The following KIR2DL4 variants were observed in gnomAD, a reference collection of about 807,000 sequenced individuals.
KIR2DL4 encodes killer cell immunoglobulin like receptor, two Ig domains and long cytoplasmic tail 4.
KIR2DL4 carries 41 observed loss-of-function variants against 31.0 expected under a neutral mutation model. The observed-to-expected ratio is 1.32, with a 90% CI of 1.03 to 1.72. KIR2DL4 has a LOEUF of 1.72. Ranked by LOEUF, KIR2DL4 falls within the 40% of genes most tolerant of loss-of-function variation. The pLI is 0.00. For synonymous variants in KIR2DL4, 164 were observed against 133.6 expected (o/e 1.23, Z -1.57); for missense variants, 438 against 353.7 (o/e 1.24, Z -1.91).
chr19:54,814,030 CT>C (rs2147994703), exon 8 of KIR2DL4: 2 of 1,612,328 alleles, frequency 1.2e-6, no homozygotes, highest in East Asian at 4.5e-5. Context: ...ACAGTCAGGC[CT>C]TGATGGGATC....
rs1208215615 is a variant in KIR2DL4, at chr19:54,805,027, C to G, written c.311C>G (p.Ser104Cys). Residue 104 changes from serine to cysteine, a missense_variant, in exon 3 of 8, where the codon TCC (serine) becomes TGC (cysteine). Ser to Cys is a moderately radical substitution (Grantham distance 112). Transcript: ENST00000359085. Reference sequence around the variant, plus strand: ...AGATGTCGAGGTTTTCACCCGCACTCCCCCACTGAGTGGTCGGCACCCAGC... The same window carrying G: ...AGATGTCGAGGTTTTCACCCGCACTGCCCCACTGAGTGGTCGGCACCCAGC... 5.0e-6 allele frequency: 8 copies of G among 1,610,996 alleles called. No individual in the cohort carries two copies. In the South Asian group the frequency reaches 7.7e-5, roughly 16 times the overall value.
chr19:54,814,106 A>G, exon 8 of KIR2DL4: 1 of 1,610,862 alleles, frequency 6.2e-7, no homozygotes, highest in East Asian at 2.2e-5. Flanking sequence ...AGCAGCTGGA[A>G]TCTGAAGGCG....
chr19:54,808,802 T>C, intron 4 of KIR2DL4, 31 bp from the exon 5 acceptor site: 1 of 1,485,950 alleles, frequency 6.7e-7, no homozygotes, highest in Non-Finnish European at 9.3e-7. Flanking sequence ...GCATCCTCAT[T>C]GCCACACCTC....
intron 4 of KIR2DL4, among the ~76,000 whole-genome samples, chr19:54,807,011 C>A (rs1036017005): frequency 8.2e-6 from 1 of 122,686 alleles, no homozygotes; most frequent in Admixed American, 8.1e-5. Context: ...GAGACTCTGT[C>A]TCTAAATAAA....
At chr19:54,813,660 A>T (rs1169516088) in intron 6 of KIR2DL4, 30 bp from the exon 6 acceptor site, 1 of 1,608,592 alleles carries the variant, frequency 6.2e-7, no homozygotes, top group East Asian at 2.2e-5. Flanking sequence ...GTGCCCTCCC[A>T]GCTGTTTTGA....
At chr19:54,811,077 G>T (rs2060839417) in intron 5 of KIR2DL4, among the ~76,000 whole-genome samples, 1 of 151,330 alleles carries the variant, frequency 6.6e-6, no homozygotes, top group Non-Finnish European at 1.5e-5. Context: ...TACATGAGGG[G>T]TGGTGCAAAG....
intron 4 of KIR2DL4, among the ~76,000 whole-genome samples, chr19:54,808,378 A>T (rs1267576357): frequency 2.6e-5 from 4 of 151,414 alleles, no homozygotes; most frequent in Admixed American, 6.6e-5. Context: ...ATTTTTGTGT[A>T]TGGTGAGAGG....
chr19:54,804,751 T>C lies in KIR2DL4; in HGVS notation c.77-42T>C. 3 of 1,589,908 alleles carry C rather than the reference T, an allele frequency of 1.9e-6. 1 individual carries two copies. In the African/African-American group the frequency reaches 4.1e-5, roughly 22 times the overall value. On this transcript the variant is annotated intron_variant, in intron 2 of 7. Transcript: ENST00000359085. Reference sequence around the variant, plus strand: ...CTGAGCACAGGGAGGGAGGGGCAGCTCAACATACTCCTCTCTGAGGCGGCA... The same window carrying C: ...CTGAGCACAGGGAGGGAGGGGCAGCCCAACATACTCCTCTCTGAGGCGGCA...
rs867808456 is a variant in KIR2DL4 at position 54,803,660 on chromosome 19, G to A, written c.9G>A (p.Met3Ile). 1.9e-6 allele frequency: 3 copies of A among 1,612,300 alleles called. 1 individual carries two copies. In the South Asian group the frequency reaches 3.3e-5, roughly 18 times the overall value. ...GCAGCAGAAGCTGCACCATGTCCAT[G>A]TCACCCACGGTCATCATCCTGGCAT... is the stretch of plus-strand genomic sequence containing the variant. The change falls in exon 1 of 8, where the codon ATG becomes ATA. Residue 3 changes from methionine (M) to isoleucine (I), a missense_variant. Met to Ile is a conservative substitution (Grantham distance 10, BLOSUM62 1). Transcript: ENST00000359085.
chr19:54,806,270 T>A (rs1248269518), intron 4 of KIR2DL4, 26 bp downstream of exon 4: 1 of 1,601,334 alleles, frequency 6.2e-7, no homozygotes, highest in South Asian at 1.1e-5. Context: ...GTCTGTCCCA[T>A]GTCCTATGGT....
exon 3 of KIR2DL4, chr19:54,804,830 C>G: frequency 6.2e-7 from 1 of 1,612,266 alleles, no homozygotes; most frequent in African/African-American, 1.3e-5. Context: ...CCTGGCCCAG[C>G]GCTGTGGTGC....
intron 4 of KIR2DL4, among the ~76,000 whole-genome samples, chr19:54,807,191 A>C (rs1477999446): frequency 6.6e-6 from 1 of 150,824 alleles, no homozygotes; most frequent in Non-Finnish European, 1.5e-5. Context: ...TGTGGCTGCA[A>C]ATGACAGGAC....
At chr19:54,806,278 G>A in intron 4 of KIR2DL4, 34 bp downstream of exon 4, 1 of 1,595,822 alleles carries the variant, frequency 6.3e-7, no homozygotes. Context: ...CATGTCCTAT[G>A]GTCCTAGAGC....
rs1022166749 is a variant in KIR2DL4, at chr19:54,806,320, G to A, written c.655+76G>A. The A allele has an allele frequency of 8.8e-5, 125 of 1,427,378 alleles. 2 individuals are homozygous for A. The African/African-American group carries it at 1.4e-3, about 16-fold the overall frequency. 88.4% of individuals were successfully genotyped at this position (1,427,378 alleles called of 1,614,324 possible). Reference sequence around the variant, plus strand: ...TGAGGAGCTTCCTGCTGATGATGGAGAGAAGCATGGACAGATGTGGAGAGA... The same window carrying A: ...TGAGGAGCTTCCTGCTGATGATGGAAAGAAGCATGGACAGATGTGGAGAGA... On this transcript the variant is annotated intron_variant, in intron 4 of 7. Transcript: ENST00000359085.
At chr19:54,813,904 A>T (rs762253911) in exon 8 of KIR2DL4, 1 of 1,612,310 alleles carries the variant, frequency 6.2e-7, no homozygotes, top group African/African-American at 1.3e-5. Flanking sequence ...GCATTTTCAC[A>T]CAGAGAAAAA....
In KIR2DL4 at chr19:54,803,876, G is replaced by A. The variant is rs367868728; in HGVS notation, c.41-15G>A. 6.2e-7 allele frequency: 1 copy of A among 1,608,892 alleles called. No homozygotes were observed. The highest frequency in any genetic ancestry group is 8.5e-7 in the Non-Finnish European group (1 of 1,177,752). ...GCTGCCGAGATGAATAGTTCATCAT[G>A]ATCTTTCTTTGCAGGGTTCTTCTTG... is the stretch of plus-strand genomic sequence containing the variant. On this transcript the variant is annotated splice_polypyrimidine_tract_variant and intron_variant, in intron 1 of 7. Coordinates refer to ENST00000359085, the Ensembl canonical transcript of KIR2DL4.
At chr19:54,808,496 G>A (rs1293428271) in intron 4 of KIR2DL4, among the ~76,000 whole-genome samples, 1 of 150,418 alleles carries the variant, frequency 6.6e-6, no homozygotes, top group Non-Finnish European at 1.5e-5. Flanking sequence ...CTTTGTCAAA[G>A]TCCATTGGAT....
In KIR2DL4 at chr19:54,813,124, G is replaced by T; in HGVS notation, c.707-1G>T. The T allele has an allele frequency of 6.9e-7, 1 of 1,459,486 alleles. No individual in the cohort carries two copies. 90.4% of individuals were successfully genotyped at this position (1,459,486 alleles called of 1,614,324 possible). A position where few individuals can be genotyped will look rare whatever the true frequency, so the allele number is the denominator to read the frequency against. On this transcript the variant is annotated splice_acceptor_variant, in intron 5 of 7. Coordinates refer to ENST00000359085, the Ensembl canonical transcript of KIR2DL4. LOFTEE classifies it high-confidence loss of function. Reference sequence around the variant, plus strand: ...CTTATTGGATTCCCATCTTCCTCCAGGTATCGCCAGACACCTGCATGCTGT... The same window carrying T: ...CTTATTGGATTCCCATCTTCCTCCATGTATCGCCAGACACCTGCATGCTGT...
At chr19:54,808,525 T>TC (rs1391281079) in intron 4 of KIR2DL4, among the ~76,000 whole-genome samples, 1 of 150,004 alleles carries the variant, frequency 6.7e-6, no homozygotes, top group Non-Finnish European at 1.5e-5. Flanking sequence ...GTGGATTACA[T>TC]CCGTGTTCTT....
Sources: allele counts gnomAD v4.1 joint callset (sites outside exome capture counted in the v4.1 genomes callset), GRCh38; gene constraint gnomAD v4.1.1; transcripts MANE v1.5; gene names NCBI Gene and HGNC (gene_info 2026-07-23, HGNC 2026-07-21).